The following INPP4B variants were observed in gnomAD, a reference collection of about 807,000 sequenced individuals.
The protein encoded by INPP4B is inositol polyphosphate 4-phosphatase type II.
INPP4B carries 55 observed loss-of-function variants against 122.5 expected under a neutral mutation model. That is an observed-to-expected ratio of 0.45 (90% CI 0.36 to 0.56). The LOEUF is 0.56. Among genes scored for constraint, INPP4B ranks in the 20% least tolerant of loss-of-function variants. INPP4B has a pLI of 0.00. For missense variants in INPP4B, 1,000 were observed against 1,097.7 expected (o/e 0.91, Z 1.26); for synonymous variants, 403 against 388.7 (o/e 1.04, Z -0.43).
chr4:142,082,166 C>G lies in INPP4B; in HGVS notation c.2507G>C (p.Gly836Ala). Reference sequence around the variant, plus strand: ...ACTTTTACAACAGGTGAAACGAATACCATTCAGTTTGCGGCAAATCTGTAA... The same window carrying G: ...ACTTTTACAACAGGTGAAACGAATAGCATTCAGTTTGCGGCAAATCTGTAA... ...LAATICRKLN[G>A]IRFTCCKSAK... The change falls in exon 25 of 26, where the codon GGT becomes GCT. Residue 836 changes from glycine (G) to alanine (A), a missense_variant. Coordinates refer to ENST00000262992, the MANE Select transcript of INPP4B (RefSeq NM_001101669.3). 6.6e-7 allele frequency: 1 copy of G among 1,521,306 alleles called. No homozygotes were observed. Among genetic ancestry groups the G allele is most frequent in the East Asian group, 2.3e-5 (1 of 43,722 alleles). 94.2% of individuals were successfully genotyped at this position (1,521,306 alleles called of 1,614,324 possible).
chr4:142,236,353 TTGTCTATTGCCTACATTACCA>T (rs1489374511), intron 12 of INPP4B, among the ~76,000 whole-genome samples: 3 of 152,220 alleles, frequency 2.0e-5, no homozygotes, highest in African/African-American at 7.2e-5. Flanking sequence ...GTAATGTGTT[TTGTCTATTGCCTACATTACCA>T]TGTCTATTGC....
At chr4:142,466,809 G>A (rs1817877767) in intron 2 of INPP4B, among the ~76,000 whole-genome samples, 2 of 152,186 alleles carry the variant, frequency 1.3e-5, no homozygotes, top group Non-Finnish European at 2.9e-5. Context: ...CCATTGCCCT[G>A]ATCCGCCTTG....
intron 25 of INPP4B, among the ~76,000 whole-genome samples, chr4:142,051,647 G>A (rs573586791): frequency 6.6e-6 from 1 of 152,070 alleles, no homozygotes; most frequent in Non-Finnish European, 1.5e-5. Context: ...TTTAACATCA[G>A]CGTTGCTCTA....
chr4:142,687,049 A>T (rs1418655089), intron 2 of INPP4B, among the ~76,000 whole-genome samples: 1 of 152,006 alleles, frequency 6.6e-6, no homozygotes, highest in Non-Finnish European at 1.5e-5. Flanking sequence ...TCTTGCGAAA[A>T]CTGGGAAGAA....
chr4:142,199,539 A>G (rs79161642), intron 14 of INPP4B, among the ~76,000 whole-genome samples: 4,541 of 152,148 alleles, frequency 0.03, 213 homozygotes, highest in African/African-American at 0.1. Flanking sequence ...TTCCTTTAAG[A>G]AGATGTATTC....
In INPP4B at chr4:142,843,872, G is replaced by C. The variant is rs149947820; in HGVS notation, c.-254+2337C>G. Among the ~76,000 whole-genome samples, 438 of 152,094 alleles carry C rather than the reference G, an allele frequency of 2.9e-3. 2 individuals carry two copies. Among genetic ancestry groups the C allele is most frequent in the African/African-American group, 9.8e-3 (407 of 41,508 alleles). ...TTTGTTACCCATCTGGGGATTTATAGTACTTATACTAGAAGATGCTCCAAG... is the reference window on the plus strand; with the variant it reads ...TTTGTTACCCATCTGGGGATTTATACTACTTATACTAGAAGATGCTCCAAG... On this transcript the variant is annotated intron_variant, in intron 1 of 25. Transcript: ENST00000262992.
At chr4:142,575,092 C>T (rs902665423) in intron 2 of INPP4B, among the ~76,000 whole-genome samples, 5 of 151,862 alleles carry the variant, frequency 3.3e-5, no homozygotes, top group African/African-American at 2.4e-5. Context: ...TTATAAGGAT[C>T]GAAAGAAGGA....
At chr4:142,762,154 T>A (rs1308856583) in intron 1 of INPP4B, among the ~76,000 whole-genome samples, 2 of 152,098 alleles carry the variant, frequency 1.3e-5, no homozygotes, top group African/African-American at 2.4e-5. Context: ...CTCTACACAC[T>A]CTACATGTCT....
chr4:142,584,175 T>C (rs1030617903), intron 2 of INPP4B, among the ~76,000 whole-genome samples: 2 of 152,112 alleles, frequency 1.3e-5, no homozygotes, highest in South Asian at 4.1e-4. Flanking sequence ...ATATATCTTC[T>C]TATTTTAGAG....
chr4:142,803,283 A>G (rs1778256561), intron 1 of INPP4B, among the ~76,000 whole-genome samples: 1 of 152,008 alleles, frequency 6.6e-6, no homozygotes, highest in Admixed American at 6.6e-5. Context: ...AATTACATCT[A>G]TTAGTTAATA....
At chr4:142,547,659 C>T (rs72726436) in intron 2 of INPP4B, among the ~76,000 whole-genome samples, 17,557 of 152,060 alleles carry the variant, frequency 0.12, 1,086 homozygotes, top group African/African-American at 0.14. Context: ...GAAGTGACAG[C>T]GTGTTGAATG....
At chr4:142,582,728 C>T (rs543792120) in intron 2 of INPP4B, among the ~76,000 whole-genome samples, 15 of 152,144 alleles carry the variant, frequency 9.9e-5, no homozygotes, top group African/African-American at 2.2e-4. Context: ...TCACTGGAAG[C>T]ACAGTGCAGC....
At position 142,531,733 on chromosome 4, in the gene INPP4B, C is replaced by T. The variant is rs147167083; in HGVS notation, c.-190-69007G>A. Among the ~76,000 whole-genome samples the T allele has an allele frequency of 2.2e-3, 333 of 151,924 alleles. 3 individuals are homozygous for T. Among genetic ancestry groups the T allele is most frequent in the African/African-American group, 7.4e-3 (305 of 41,428 alleles). On this transcript the variant is annotated intron_variant, in intron 2 of 25. Transcript: ENST00000262992. ...TATTTGCTGTCAATTCCACAGTCTCCGACTAAGGGGAAAGACCCTACCAAA... is the reference window on the plus strand; with the variant it reads ...TATTTGCTGTCAATTCCACAGTCTCTGACTAAGGGGAAAGACCCTACCAAA...
rs143700552 is a variant in INPP4B, at chr4:142,389,455, C to T, written c.372+13483G>A. On this transcript the variant is annotated intron_variant, in intron 7 of 25. Coordinates refer to ENST00000262992, the MANE Select transcript of INPP4B (RefSeq NM_001101669.3). Reference sequence around the variant, plus strand: ...AAAAACTGTAATGCCTTTTAGTTTACGTGACTTTTAATCTTTGGGAAATAA... The same window carrying T: ...AAAAACTGTAATGCCTTTTAGTTTATGTGACTTTTAATCTTTGGGAAATAA... Among the ~76,000 whole-genome samples, 713 of 152,106 alleles carry T rather than the reference C, an allele frequency of 4.7e-3. 2 individuals carry two copies. Among genetic ancestry groups the T allele is most frequent in the Middle Eastern group, 0.024 (7 of 294 alleles).
intron 1 of INPP4B, among the ~76,000 whole-genome samples, chr4:142,793,118 G>A (rs1042354788): frequency 1.6e-5 from 2 of 125,752 alleles, no homozygotes; most frequent in African/African-American, 6.9e-5. Context: ...AATTACACAC[G>A]TTTATTTGTT....
intron 1 of INPP4B, among the ~76,000 whole-genome samples, chr4:142,805,519 A>G (rs974386459): frequency 2.0e-5 from 3 of 152,180 alleles, no homozygotes; most frequent in Non-Finnish European, 4.4e-5. Flanking sequence ...GTTTGAACTG[A>G]TGGGTCCACT....
chr4:142,420,092 T>C (rs1806548400), intron 5 of INPP4B, among the ~76,000 whole-genome samples: 1 of 151,916 alleles, frequency 6.6e-6, no homozygotes. Flanking sequence ...TGGTCATGGA[T>C]GAAAGACAAA....
chr4:142,648,343 G>A (rs1752236345), intron 2 of INPP4B, among the ~76,000 whole-genome samples: 1 of 152,262 alleles, frequency 6.6e-6, no homozygotes, highest in African/African-American at 2.4e-5. Context: ...GCCCATGGAG[G>A]GTGAGCCAAA....
chr4:142,250,267 T>G (rs1731299631), intron 11 of INPP4B, among the ~76,000 whole-genome samples: 1 of 152,226 alleles, frequency 6.6e-6, no homozygotes, highest in Non-Finnish European at 1.5e-5. Flanking sequence ...GGAAAGTCTT[T>G]TTCTTCTTAG....
Sources: gnomAD v4.1 joint callset for allele counts (sites outside exome capture counted in the v4.1 genomes callset) on GRCh38, gnomAD v4.1.1 for gene constraint, MANE v1.5 for transcripts, NCBI Gene and HGNC (gene_info 2026-07-23, HGNC 2026-07-21) for gene names.